C4orf50: variants seen among roughly 807,000 people sequenced by gnomAD.
C4orf50 encodes uncharacterized protein C4orf50.
Under a neutral mutation model 77.2 loss-of-function variants are expected in C4orf50, and 80 were observed. The ratio of observed to expected loss-of-function variants is 1.04; its 90% CI spans 0.87 to 1.25. C4orf50 has a LOEUF of 1.25. Ranked by LOEUF, C4orf50 falls within the 50% of genes most tolerant of loss-of-function variation. C4orf50 has a pLI of 0.00. For synonymous variants in C4orf50, 532 were observed against 465.3 expected (o/e 1.14, Z -1.84); for missense variants, 1,257 against 1,152.9 (o/e 1.09, Z -1.31).
At chr4:5,971,127 C>G (rs759814610) in intron 31 of C4orf50, among the ~76,000 whole-genome samples, 2 of 152,186 alleles carry the variant, frequency 1.3e-5, no homozygotes, top group African/African-American at 4.8e-5. Flanking sequence ...CAGGACCTGT[C>G]CCTTGCTGCT....
Position 5,966,259 on chromosome 4 carries a change from T to C in C4orf50, c.4154-1114A>G, listed in dbSNP as rs186589287. On this transcript the variant is annotated intron_variant, in intron 32 of 33. Coordinates refer to ENST00000531445, the Ensembl canonical transcript of C4orf50. The stretch of plus-strand genomic sequence containing the variant: ...GGGAGGGCAAGGCAGGTGGATCACA[T>C]GAGGTCAGGAGTTCAAGACCAGACT... Among the ~76,000 whole-genome samples, 631 of 152,234 alleles carry C rather than the reference T, an allele frequency of 4.1e-3. 5 individuals are homozygous for C. Among genetic ancestry groups the C allele is most frequent in the African/African-American group, 0.014 (591 of 41,532 alleles).
At chr4:5,944,088 T>C (rs1375075117) in intron 7 of C4orf50, among the ~76,000 whole-genome samples, 1 of 152,118 alleles carries the variant, frequency 6.6e-6, no homozygotes, top group Non-Finnish European at 1.5e-5. Context: ...CAGAGACAAA[T>C]AGACACACAA....
At chr4:5,957,369 CCTCT>C (rs760709400) in exon 34 of C4orf50, 1 of 152,230 alleles carries the variant, frequency 6.6e-6, no homozygotes, top group South Asian at 2.1e-4. Flanking sequence ...GGGTTTCTGT[CCTCT>C]CTCTGTCATG....
intron 7 of C4orf50, among the ~76,000 whole-genome samples, chr4:5,906,045 G>T (rs557218306): frequency 6.6e-6 from 1 of 152,136 alleles, no homozygotes; most frequent in Non-Finnish European, 1.5e-5. Flanking sequence ...CAGTGGAGGC[G>T]CGGACAGCAA....
At chr4:5,945,978 C>A (rs1718464614) in intron 7 of C4orf50, among the ~76,000 whole-genome samples, 1 of 152,192 alleles carries the variant, frequency 6.6e-6, no homozygotes, top group Non-Finnish European at 1.5e-5. Flanking sequence ...AAGGAGAAGG[C>A]TGGAGAAAGG....
chr4:5,923,476 G>T (rs1717376265), intron 7 of C4orf50: 1 of 152,466 alleles, frequency 6.6e-6, no homozygotes, highest in Admixed American at 6.5e-5. Context: ...GCTGGGGACA[G>T]GTGTGCATTA....
chr4:5,966,120 AAG>A (rs1182253831), intron 32 of C4orf50, among the ~76,000 whole-genome samples: 1 of 152,268 alleles, frequency 6.6e-6, no homozygotes, highest in Non-Finnish European at 1.5e-5. Context: ...TGAAATAAAA[AAG>A]AGTAAAACAA....
exon 29 of C4orf50, chr4:5,980,178 G>C (rs143787800): frequency 5.6e-6 from 9 of 1,596,326 alleles, no homozygotes; most frequent in Non-Finnish European, 7.7e-6. Context: ...CCACACCTTG[G>C]CCTGGAGCTC....
intron 7 of C4orf50, among the ~76,000 whole-genome samples, chr4:5,940,673 G>C (rs1560553205): frequency 6.6e-6 from 1 of 152,172 alleles, no homozygotes; most frequent in Non-Finnish European, 1.5e-5. Flanking sequence ...GCCCCTCCCA[G>C]CTAGAGGTGG....
Position 5,975,798 on chromosome 4 carries a change from C to T in C4orf50, c.3921+101G>A. The T allele has an allele frequency of 3.1e-6, 3 of 983,260 alleles. No individual in the cohort carries two copies. In the South Asian group the frequency reaches 4.0e-5, roughly 13 times the overall value. 60.9% of individuals were successfully genotyped at this position (983,260 alleles called of 1,614,324 possible). A position where few individuals can be genotyped will look rare whatever the true frequency, so the allele number is the denominator to read the frequency against. ...GCCACCGTGCCTGGCCCTACCCAGACTTTTATACAATAGAGGTGGATTACA... is the reference window on the plus strand; with the variant it reads ...GCCACCGTGCCTGGCCCTACCCAGATTTTTATACAATAGAGGTGGATTACA... On this transcript the variant is annotated intron_variant, in intron 30 of 33. Transcript: ENST00000531445.
intron 7 of C4orf50, among the ~76,000 whole-genome samples, chr4:5,942,218 C>A (rs1015665328): frequency 6.6e-6 from 1 of 152,174 alleles, no homozygotes; most frequent in Non-Finnish European, 1.5e-5. Flanking sequence ...TAACAATCAA[C>A]GCCAGACAAA....
intron 7 of C4orf50, among the ~76,000 whole-genome samples, chr4:5,937,210 T>C (rs1263788526): frequency 1.3e-5 from 2 of 151,994 alleles, no homozygotes; most frequent in East Asian, 3.9e-4. Flanking sequence ...ATTAACTATA[T>C]AAAATAATAA....
chr4:5,914,590 C>T (rs912314465), intron 7 of C4orf50, among the ~76,000 whole-genome samples: 1 of 152,112 alleles, frequency 6.6e-6, no homozygotes, highest in Non-Finnish European at 1.5e-5. Context: ...AATTAATTAT[C>T]ACGGTTTGAA....
At chr4:5,988,763 T>C in exon 28 of C4orf50, 1 of 1,536,162 alleles carries the variant, frequency 6.5e-7, no homozygotes, top group East Asian at 2.4e-5. Flanking sequence ...ACATGGACCC[T>C]GCGTAGAAGG....
chr4:5,922,430 G>A (rs1717319331), intron 7 of C4orf50, among the ~76,000 whole-genome samples: 1 of 152,166 alleles, frequency 6.6e-6, no homozygotes, highest in Non-Finnish European at 1.5e-5. Flanking sequence ...CACTGACTTG[G>A]TCCAATTTGT....
chr4:5,940,283 C>T (rs115364591), intron 7 of C4orf50, among the ~76,000 whole-genome samples: 6,764 of 152,318 alleles, frequency 0.044, 186 homozygotes, highest in African/African-American at 0.081. Flanking sequence ...CCTCATCATT[C>T]AGTTGACACA....
rs745614269 is a variant in C4orf50, at chr4:5,973,649, G to A, written c.4104+10C>T. On this transcript the variant is annotated intron_variant, in intron 31 of 33. Transcript: ENST00000531445. ...AGGAAGCACAGACAGGGCCATCTCT[G>A]GGACTCTACCTCTGGGACTCCCGGA... The A allele has an allele frequency of 7.5e-6, 12 of 1,605,494 alleles. No homozygotes were observed. The highest frequency in any genetic ancestry group is 6.7e-5 in the African/African-American group (5 of 74,916).
chr4:5,987,456 A>C (rs992615228), intron 28 of C4orf50, among the ~76,000 whole-genome samples: 2 of 149,728 alleles, frequency 1.3e-5, no homozygotes, highest in South Asian at 2.1e-4. Context: ...AAGGTCTAAG[A>C]AGAAACCAAT....
intron 25 of C4orf50, among the ~76,000 whole-genome samples, chr4:5,994,749 C>T (rs559555161): frequency 3.3e-5 from 5 of 152,168 alleles, no homozygotes; most frequent in Admixed American, 2.6e-4. Context: ...GTATGTCTGT[C>T]CAGCCAAGAA....
Sources: allele counts gnomAD v4.1 joint callset (sites outside exome capture counted in the v4.1 genomes callset), GRCh38; gene constraint gnomAD v4.1.1; transcripts MANE v1.5; gene names NCBI Gene and HGNC (gene_info 2026-07-23, HGNC 2026-07-21).